MAGI1: variants seen among roughly 807,000 people sequenced by gnomAD.
MAGI1 encodes membrane-associated guanylate kinase, WW and PDZ domain-containing protein 1.
In MAGI1, 58 loss-of-function variants were observed where a neutral mutation model predicts 139.9. That is an observed-to-expected ratio of 0.41 (90% CI 0.34 to 0.52). The LOEUF is 0.52. Ranked by LOEUF, MAGI1 falls within the 20% of genes least tolerant of loss-of-function variation. The pLI is 0.12. For missense variants in MAGI1, 1,874 were observed against 1,901.6 expected, an observed-to-expected ratio of 0.99 and a Z score of 0.27; for synonymous variants, 812 against 737.9, an observed-to-expected ratio of 1.10 and a Z score of -1.63.
intron 2 of MAGI1, among the ~76,000 whole-genome samples, chr3:65,556,941 T>G (rs2080111802): frequency 6.6e-6 from 1 of 152,236 alleles, no homozygotes; most frequent in Non-Finnish European, 1.5e-5. Flanking sequence ...GTTCACTGTT[T>G]CAGAACATTC....
At chr3:65,363,954 C>T (rs1228276511) in intron 20 of MAGI1, among the ~76,000 whole-genome samples, 1 of 152,092 alleles carries the variant, frequency 6.6e-6, no homozygotes, top group Non-Finnish European at 1.5e-5. Context: ...TAAATGCTGG[C>T]TGTGCCCATC....
intron 22 of MAGI1, among the ~76,000 whole-genome samples, chr3:65,358,254 A>G (rs547417996): frequency 5.3e-5 from 8 of 152,152 alleles, no homozygotes; most frequent in Non-Finnish European, 1.0e-4. Context: ...CTTTGTTGCA[A>G]CTAAACCCAA....
At chr3:65,650,928 T>C (rs2107310781) in intron 1 of MAGI1, among the ~76,000 whole-genome samples, 1 of 152,292 alleles carries the variant, frequency 6.6e-6, no homozygotes, top group Admixed American at 6.5e-5. Flanking sequence ...GTAAAATAAG[T>C]AAGGTGCATA....
chr3:65,923,914 T>C (rs2062363179), intron 1 of MAGI1, among the ~76,000 whole-genome samples: 2 of 152,200 alleles, frequency 1.3e-5, no homozygotes, highest in Non-Finnish European at 2.9e-5. Context: ...CACCTAATCT[T>C]GCAGCATCAA....
intron 2 of MAGI1, among the ~76,000 whole-genome samples, chr3:65,582,094 AGCTCATAAAT>A (rs1402657494): frequency 1.3e-5 from 2 of 152,194 alleles, no homozygotes; most frequent in Non-Finnish European, 2.9e-5. Flanking sequence ...AGTCCTCTCT[AGCTCATAAAT>A]GCATTCCAAG....
At chr3:65,976,703 G>C (rs1326210374) in intron 1 of MAGI1, among the ~76,000 whole-genome samples, 1 of 152,148 alleles carries the variant, frequency 6.6e-6, no homozygotes, top group African/African-American at 2.4e-5. Context: ...TCATGTTCTG[G>C]AGTTAATTAC....
intron 1 of MAGI1, among the ~76,000 whole-genome samples, chr3:65,736,960 C>T (rs777857777): frequency 1.1e-4 from 16 of 152,172 alleles, no homozygotes; most frequent in Non-Finnish European, 2.1e-4. Context: ...TTTGTGCCCA[C>T]CAGCCAGAAC....
chr3:65,587,479 C>CTTTTTTTTTT (rs755825684), intron 2 of MAGI1, among the ~76,000 whole-genome samples: 7 of 109,518 alleles, frequency 6.4e-5, no homozygotes, highest in African/African-American at 1.2e-4. Flanking sequence ...TTACTTTTTT[C>CTTTTTTTTTT]TTTTTTTTTT....
intron 2 of MAGI1, chr3:65,549,380 C>T (rs2079701165): frequency 1.8e-5 from 18 of 981,480 alleles, no homozygotes; most frequent in Non-Finnish European, 2.1e-5. Flanking sequence ...CCTGCTGTCA[C>T]TTCCAAACCC....
Position 65,735,437 on chromosome 3 carries a change from G to T in MAGI1, c.314-113349C>A, listed in dbSNP as rs1428608185. On this transcript the variant is annotated intron_variant, in intron 1 of 22. Transcript: ENST00000402939. ...GTGATTCCTAAGGTTATGCAAGATG[G>T]TGAGACCTACATAAGAACCAATAAG... Among the ~76,000 whole-genome samples the T allele has an allele frequency of 3.3e-5, 5 of 151,414 alleles. No individual in the cohort carries two copies. The East Asian group carries it at 9.8e-4, about 30-fold the overall frequency.
intron 1 of MAGI1, among the ~76,000 whole-genome samples, chr3:65,864,638 T>C (rs530926498): frequency 1.1e-4 from 16 of 152,304 alleles, no homozygotes; most frequent in Middle Eastern, 3.4e-3. Flanking sequence ...ACCAGGTTAC[T>C]ACAGAGAGGA....
At chr3:65,543,341 G>A (rs934801196) in intron 2 of MAGI1, among the ~76,000 whole-genome samples, 10 of 152,102 alleles carry the variant, frequency 6.6e-5, no homozygotes, top group African/African-American at 2.4e-4. Flanking sequence ...AAGACAGTGT[G>A]GCAATTCCTC....
At chr3:65,626,884 G>C (rs1055202649) in intron 1 of MAGI1, among the ~76,000 whole-genome samples, 1 of 152,248 alleles carries the variant, frequency 6.6e-6, no homozygotes, top group Non-Finnish European at 1.5e-5. Context: ...AATTATTCAA[G>C]AGACATGTCT....
rs1947323301 is a variant in MAGI1 at position 65,429,498 on chromosome 3, A to G, written c.2167+22T>C. The G allele has an allele frequency of 3.2e-6, 5 of 1,554,294 alleles. No individual in the cohort carries two copies. The East Asian group carries it at 6.8e-5, about 21-fold the overall frequency. ...AATTTGGGATAAAAAAAAAATTCAA[A>G]GAACAAAACAACCCTACTTACCTCC... On this transcript the variant is annotated intron_variant, in intron 12 of 22. Coordinates refer to ENST00000402939, the MANE Select transcript of MAGI1 (RefSeq NM_001033057.2).
At chr3:65,708,701 A>T (rs2030825453) in intron 1 of MAGI1, among the ~76,000 whole-genome samples, 1 of 127,644 alleles carries the variant, frequency 7.8e-6, no homozygotes, top group South Asian at 2.2e-4. Flanking sequence ...AGAAGAAAGA[A>T]GAGAGAAAGA....
intron 9 of MAGI1, among the ~76,000 whole-genome samples, chr3:65,438,554 T>C (rs1344511053): frequency 2.6e-5 from 4 of 152,172 alleles, no homozygotes; most frequent in Non-Finnish European, 5.9e-5. Flanking sequence ...GAAAAGAGAC[T>C]AAGGTAGATA....
At chr3:65,484,023 CT>C in intron 3 of MAGI1, among the ~76,000 whole-genome samples, 1 of 152,216 alleles carries the variant, frequency 6.6e-6, no homozygotes, top group South Asian at 2.1e-4. Context: ...TACAGAAAAC[CT>C]TTTTAATGCC....
At chr3:65,400,984 G>C (rs994714130) in intron 13 of MAGI1, among the ~76,000 whole-genome samples, 3 of 151,768 alleles carry the variant, frequency 2.0e-5, no homozygotes, top group African/African-American at 7.3e-5. Context: ...TTCATCCTCC[G>C]GCGCCTAAGA....
intron 2 of MAGI1, among the ~76,000 whole-genome samples, chr3:65,495,862 G>A (rs1198922621): frequency 6.6e-6 from 1 of 152,022 alleles, no homozygotes; most frequent in Non-Finnish European, 1.5e-5. Flanking sequence ...GATCTGGTGT[G>A]TTCAGGGAAG....
Sources: gnomAD v4.1 joint callset for allele counts (sites outside exome capture counted in the v4.1 genomes callset) on GRCh38, gnomAD v4.1.1 for gene constraint, MANE v1.5 for transcripts, NCBI Gene and HGNC (gene_info 2026-07-23, HGNC 2026-07-21) for gene names.